Variants in PTPRA observed in about 807,000 individuals in gnomAD.
The protein encoded by PTPRA is protein tyrosine phosphatase receptor type A, also known as receptor-type tyrosine-protein phosphatase alpha.
Under a neutral mutation model 104.8 loss-of-function variants are expected in PTPRA, and 25 were observed. That is an observed-to-expected ratio of 0.24 (90% confidence interval 0.17 to 0.33). The LOEUF is 0.33. Ranked by LOEUF, PTPRA falls within the 10% of genes least tolerant of loss-of-function variation. The pLI, the probability that PTPRA is intolerant of heterozygous loss-of-function variation, is 1.00. For synonymous variants in PTPRA, 323 were observed against 368.9 expected, an observed-to-expected ratio of 0.88 and a Z score of 1.43; for missense variants, 765 against 1,015.3, an observed-to-expected ratio of 0.75 and a Z score of 3.35.
chr20:2,968,877 C>T (rs546786454), intron 5 of PTPRA, among the ~76,000 whole-genome samples: 1 of 151,982 alleles, frequency 6.6e-6, no homozygotes, highest in South Asian at 2.1e-4. Flanking sequence ...ATCGCACCAC[C>T]GTACTCCAGT....
At chr20:2,972,118 T>C (rs2062216232) in intron 5 of PTPRA, among the ~76,000 whole-genome samples, 1 of 152,090 alleles carries the variant, frequency 6.6e-6, no homozygotes, top group African/African-American at 2.4e-5. Context: ...TGTGAGCCAC[T>C]GCGCCCTGCC....
intron 10 of PTPRA, 139 bp downstream of exon 10, chr20:3,005,285 A>T: frequency 1.2e-6 from 1 of 803,372 alleles, no homozygotes. Flanking sequence ...TCAGTGGCTC[A>T]TACCTGTAAT....
intron 3 of PTPRA, among the ~76,000 whole-genome samples, chr20:2,959,398 C>T (rs1426343314): frequency 6.6e-6 from 1 of 152,096 alleles, no homozygotes; most frequent in Non-Finnish European, 1.5e-5. Flanking sequence ...TTAGTGGGGA[C>T]AGTCAACACT....
At chr20:2,977,877 C>A (rs939449028) in intron 6 of PTPRA, among the ~76,000 whole-genome samples, 2 of 152,028 alleles carry the variant, frequency 1.3e-5, no homozygotes, top group African/African-American at 2.4e-5. Flanking sequence ...TACTCAGTTA[C>A]ATGCCATTGG....
chr20:3,021,094 G>A (rs1171303013), intron 13 of PTPRA, among the ~76,000 whole-genome samples: 1 of 152,244 alleles, frequency 6.6e-6, no homozygotes, highest in African/African-American at 2.4e-5. Flanking sequence ...CTGTGTGTAA[G>A]TTAGGAGACT....
At chr20:3,024,397 G>A in intron 16 of PTPRA, 75 bp from the exon 17 acceptor site, 1 of 1,426,384 alleles carries the variant, frequency 7.0e-7, no homozygotes, top group South Asian at 1.3e-5. Flanking sequence ...GAGTGAAGTG[G>A]GGGTGGGAAC....
intron 6 of PTPRA, among the ~76,000 whole-genome samples, chr20:2,982,127 G>A (rs1453773936): frequency 1.5e-5 from 2 of 137,236 alleles, no homozygotes; most frequent in Non-Finnish European, 3.0e-5. Flanking sequence ...GTCTCGCTCC[G>A]TCACCCAGGC....
At chr20:2,966,113 G>A (rs2061935800) in intron 5 of PTPRA, among the ~76,000 whole-genome samples, 1 of 152,144 alleles carries the variant, frequency 6.6e-6, no homozygotes, top group African/African-American at 2.4e-5. Context: ...ATTCTCATTT[G>A]TTACTACAGA....
At position 2,965,129 on chromosome 20, in the gene PTPRA, G is replaced by T. The variant is rs147992825; in HGVS notation, c.342G>T (p.Thr114=). ...CGTGGCTTCCAGATAACCAGTTCAC[G>T]GATGCCAGAACAGAACCCTGGGAGG... ...NGTWLPDNQF[T]DARTEPWEGN... The change falls in exon 5 of 24, where the codon ACG becomes ACT. Residue 114 remains threonine, a synonymous_variant. Transcript: ENST00000399903. 6.2e-7 allele frequency: 1 copy of T among 1,614,098 alleles called. No homozygotes were observed. The highest frequency in any genetic ancestry group is 1.3e-5 in the African/African-American group (1 of 75,000).
intron 5 of PTPRA, among the ~76,000 whole-genome samples, chr20:2,969,893 C>T (rs2062108477): frequency 6.6e-6 from 1 of 151,846 alleles, no homozygotes; most frequent in Non-Finnish European, 1.5e-5. Flanking sequence ...TGGCGTGAAC[C>T]CAGGAGGTGG....
At chr20:3,018,345 G>C (rs906970335) in intron 13 of PTPRA, among the ~76,000 whole-genome samples, 152 of 152,102 alleles carry the variant, frequency 1.0e-3, no homozygotes, top group African/African-American at 3.5e-3. Flanking sequence ...AAAGGTCTCT[G>C]GTTTTCCTAG....
At chr20:2,865,153 A>G in the PTPRA span, 7 of 1,614,098 alleles carry the variant, frequency 4.3e-6, no homozygotes, top group Non-Finnish European at 5.1e-6. This position sits in a 1 kb window ranked among gnomAD's most constrained non-coding sequence, Gnocchi z 5.2. Context: ...CCCAGGCTAC[A>G]GAGGATCAAA....
chr20:2,899,619 G>A (rs1292577320), intron 1 of PTPRA, among the ~76,000 whole-genome samples: 2 of 152,052 alleles, frequency 1.3e-5, no homozygotes, highest in African/African-American at 4.8e-5. Flanking sequence ...CGTTAATTTG[G>A]CCCATCCTTT....
chr20:3,015,082 A>G (rs551691439), intron 11 of PTPRA, among the ~76,000 whole-genome samples: 1 of 152,260 alleles, frequency 6.6e-6, no homozygotes, highest in Admixed American at 6.5e-5. Context: ...CTATTCCCAG[A>G]AAGATTTTGC....
chr20:2,877,576 T>C (rs188106691), intron 1 of PTPRA, among the ~76,000 whole-genome samples: 27 of 152,254 alleles, frequency 1.8e-4, no homozygotes, highest in Admixed American at 6.5e-4. Context: ...GGTTTTTTAG[T>C]GAGTCTGAGT....
chr20:2,955,623 C>A, intron 3 of PTPRA: 1 of 985,186 alleles, frequency 1.0e-6, no homozygotes, highest in Non-Finnish European at 1.2e-6. Flanking sequence ...TCTTCAGAAG[C>A]TTGCCAGTTT....
At chr20:2,876,133 C>G (rs2089702580) in intron 1 of PTPRA, among the ~76,000 whole-genome samples, 1 of 152,138 alleles carries the variant, frequency 6.6e-6, no homozygotes, top group African/African-American at 2.4e-5. Context: ...TGCAGATGCC[C>G]CTGCAATATA....
At chr20:2,989,377 G>A (rs2063050747) in intron 9 of PTPRA, among the ~76,000 whole-genome samples, 1 of 152,180 alleles carries the variant, frequency 6.6e-6, no homozygotes, top group Admixed American at 6.5e-5. Flanking sequence ...AGGTTGCAGT[G>A]AGCCAAGGTC....
intron 1 of PTPRA, among the ~76,000 whole-genome samples, chr20:2,889,663 A>T (rs1484740211): frequency 6.6e-6 from 1 of 152,176 alleles, no homozygotes; most frequent in Non-Finnish European, 1.5e-5. Context: ...TACCCAATTA[A>T]GGAGGACAGT....
Sources: gnomAD v4.1 joint callset for allele counts (sites outside exome capture counted in the v4.1 genomes callset) on GRCh38, gnomAD v4.1.1 for gene constraint, Gnocchi (gnomAD v3.1) non-coding constraint, MANE v1.5 for transcripts, NCBI Gene and HGNC (gene_info 2026-07-23, HGNC 2026-07-21) for gene names.